Variants in MYO16 observed in about 807,000 individuals in gnomAD.
MYO16 encodes unconventional myosin-XVI.
In MYO16, 94 loss-of-function variants were observed where a neutral mutation model predicts 205.3. The observed-to-expected ratio is 0.46, with a 90% CI of 0.39 to 0.54. The LOEUF is 0.54. MYO16 is among the 20% of genes least tolerant of loss of function. MYO16 has a pLI of 0.00. For missense variants in MYO16, 2,315 were observed against 2,387.5 expected, an observed-to-expected ratio of 0.97 and a Z score of 0.63; for synonymous variants, 988 against 954.0, an observed-to-expected ratio of 1.04 and a Z score of -0.66.
the MYO16 span, among the ~76,000 whole-genome samples, chr13:108,534,763 C>T: frequency 6.6e-6 from 1 of 151,668 alleles, no homozygotes; most frequent in East Asian, 1.9e-4. Flanking sequence ...TCCTCCTCCT[C>T]TTCTTCCTTC....
intron 1 of MYO16, among the ~76,000 whole-genome samples, chr13:108,624,145 T>A (rs924408078): frequency 1.3e-5 from 2 of 152,178 alleles, no homozygotes; most frequent in East Asian, 3.9e-4. Context: ...GCCTCACAAT[T>A]CCTTTCATCC....
rs527917667 is a variant in MYO16, at chr13:109,120,137, T to C, written c.3439-233T>C. ...CACATGGTACAACCCACATCAGTAG[T>C]GTGTAACCATTTGAAAACAATGTTG... On this transcript the variant is annotated intron_variant, in intron 28 of 34. Coordinates refer to ENST00000457511, the MANE Select transcript of MYO16 (RefSeq NM_001198950.3). 5.3e-5 allele frequency among the ~76,000 whole-genome samples: 8 copies of C among 152,338 alleles called. 1 individual carries two copies. The South Asian group carries it at 1.7e-3, about 32-fold the overall frequency.
At chr13:109,080,203 T>C (rs1888241026) in intron 27 of MYO16, among the ~76,000 whole-genome samples, 1 of 152,192 alleles carries the variant, frequency 6.6e-6, no homozygotes, top group Admixed American at 6.5e-5. Flanking sequence ...AAGATAATTT[T>C]TGATAATGTG....
At chr13:108,917,115 A>G (rs932810453) in intron 16 of MYO16, among the ~76,000 whole-genome samples, 3 of 152,186 alleles carry the variant, frequency 2.0e-5, no homozygotes, top group African/African-American at 7.2e-5. Context: ...ACGCACGCAC[A>G]CACACACATC....
In MYO16 at chr13:109,047,042, G is replaced by T. The variant is rs542392192; in HGVS notation, c.2872+51G>T. ...ACACTGGTTAAAATGCCATGCATCC[G>T]TTATTTCTTTATCTCTGAATATTTT... On this transcript the variant is annotated intron_variant, in intron 24 of 34. Coordinates refer to ENST00000457511, the MANE Select transcript of MYO16 (RefSeq NM_001198950.3). 4.6e-6 allele frequency: 6 copies of T among 1,290,590 alleles called. No homozygotes were observed. The Admixed American group carries it at 1.1e-4, about 24-fold the overall frequency. 79.9% of individuals were successfully genotyped at this position (1,290,590 alleles called of 1,614,324 possible). A position where few individuals can be genotyped will look rare whatever the true frequency, so the allele number is the denominator to read the frequency against.
intron 15 of MYO16, among the ~76,000 whole-genome samples, chr13:108,908,119 A>T (rs887691835): frequency 2.6e-5 from 4 of 152,220 alleles, no homozygotes; most frequent in African/African-American, 9.6e-5. Context: ...ATTGATTCTC[A>T]TAGAGACCTG....
chr13:108,640,558 A>C (rs960514206), intron 1 of MYO16, among the ~76,000 whole-genome samples: 4 of 152,208 alleles, frequency 2.6e-5, no homozygotes, highest in Non-Finnish European at 5.9e-5. Context: ...TTACTGCAGC[A>C]AAAGTAGGTC....
chr13:108,773,127 A>C (rs1040974876), intron 4 of MYO16, among the ~76,000 whole-genome samples: 2 of 152,156 alleles, frequency 1.3e-5, no homozygotes, highest in African/African-American at 4.8e-5. Flanking sequence ...TCTTTTATAA[A>C]GGCACCAATC....
At chr13:108,559,682 G>A in the MYO16 span, among the ~76,000 whole-genome samples, 7 of 151,442 alleles carry the variant, frequency 4.6e-5, no homozygotes, top group Non-Finnish European at 8.8e-5. Flanking sequence ...ACGTCAGCCC[G>A]GATGGTCTCG....
At chr13:108,812,705 C>T (rs1887331539) in intron 7 of MYO16, among the ~76,000 whole-genome samples, 1 of 152,086 alleles carries the variant, frequency 6.6e-6, no homozygotes, top group Non-Finnish European at 1.5e-5. Flanking sequence ...AAATTAATCC[C>T]CAGTGCAGCA....
chr13:109,140,619 G>T lies in MYO16; in HGVS notation c.4407G>T (p.Ala1469=). 1.3e-6 allele frequency: 2 copies of T among 1,518,394 alleles called. No individual in the cohort carries two copies. The highest frequency in any genetic ancestry group is 1.2e-5 in the South Asian group (1 of 82,038). The allele number at this position is 1,518,394 out of a possible 1,614,324, so 94.1% of individuals were successfully genotyped here. Residue 1469 remains alanine, a synonymous_variant, in exon 32 of 35, where the codon GCG becomes GCT. Transcript: ENST00000457511. This position sits in a 1 kb window ranked among gnomAD's most constrained non-coding sequence, Gnocchi z 8.0. ...CCLPDDGGPG[A]GSFLLHGASP... ...TGCCCGACGACGGCGGCCCGGGCGCGGGCTCCTTCCTGCTCCACGGCGCAT... is the reference window on the plus strand; with the variant it reads ...TGCCCGACGACGGCGGCCCGGGCGCTGGCTCCTTCCTGCTCCACGGCGCAT...
chr13:108,527,820 T>C, the MYO16 span, among the ~76,000 whole-genome samples: 1 of 152,202 alleles, frequency 6.6e-6, no homozygotes, highest in Admixed American at 6.5e-5. Context: ...TTTTTGAAAG[T>C]GCATTTTTTT....
intron 20 of MYO16, among the ~76,000 whole-genome samples, chr13:108,990,568 A>G (rs1333503981): frequency 6.6e-6 from 1 of 152,208 alleles, no homozygotes; most frequent in African/African-American, 2.4e-5. Flanking sequence ...TTGTTCTAAC[A>G]TTTAATCCAT....
At chr13:109,193,824 C>T (rs1486648269) in intron 34 of MYO16, among the ~76,000 whole-genome samples, 2 of 152,142 alleles carry the variant, frequency 1.3e-5, no homozygotes, top group Admixed American at 6.5e-5. Flanking sequence ...ATCCTATACC[C>T]GTATCTCACA....
intron 34 of MYO16, among the ~76,000 whole-genome samples, chr13:109,184,679 C>T (rs1469614129): frequency 2.0e-5 from 3 of 152,182 alleles, no homozygotes; most frequent in South Asian, 2.1e-4. Context: ...TCACTGCAAC[C>T]TCCACCTCCC....
chr13:108,895,235 TAAGTA>T (rs1437076455), intron 14 of MYO16, among the ~76,000 whole-genome samples: 6 of 152,272 alleles, frequency 3.9e-5, no homozygotes, highest in African/African-American at 1.2e-4. Flanking sequence ...AAAATTTGAA[TAAGTA>T]AATATTGAGG....
At chr13:109,100,945 G>A in intron 28 of MYO16, 58 bp downstream of exon 28, 2 of 1,445,882 alleles carry the variant, frequency 1.4e-6, no homozygotes, top group Non-Finnish European at 1.9e-6. Context: ...AATGAGCTGA[G>A]TCATTGCAGG....
chr13:108,693,262 T>C (rs1882968633), intron 2 of MYO16, among the ~76,000 whole-genome samples: 2 of 152,180 alleles, frequency 1.3e-5, no homozygotes, highest in Admixed American at 1.3e-4. Context: ...ATTTTGACCA[T>C]TTTGAAGTGT....
intron 4 of MYO16, among the ~76,000 whole-genome samples, chr13:108,734,465 A>T (rs769070154): frequency 6.6e-6 from 1 of 152,186 alleles, no homozygotes; most frequent in East Asian, 1.9e-4. Flanking sequence ...ACATATTTTC[A>T]TCTCTAGGAA....
Sources: gnomAD v4.1 joint callset for allele counts (sites outside exome capture counted in the v4.1 genomes callset) on GRCh38, gnomAD v4.1.1 for gene constraint, Gnocchi (gnomAD v3.1) non-coding constraint, MANE v1.5 for transcripts, NCBI Gene and HGNC (gene_info 2026-07-23, HGNC 2026-07-21) for gene names.